MYH3: variants seen among roughly 807,000 people sequenced by gnomAD.
MYH3 encodes myosin-3.
Under a neutral mutation model 238.0 loss-of-function variants are expected in MYH3, and 130 were observed. The ratio of observed to expected loss-of-function variants is 0.55; its 90% CI spans 0.47 to 0.63. The LOEUF (loss-of-function observed/expected upper bound fraction) is 0.63, where lower values mean the gene tolerates loss of function less well. Ranked by LOEUF, MYH3 falls within the 30% of genes least tolerant of loss-of-function variation. The probability of loss-of-function intolerance (pLI) is 0.00; values close to 1 mark genes in which losing one functional copy is unlikely to be tolerated. For synonymous variants in MYH3, 880 were observed against 924.1 expected, an observed-to-expected ratio of 0.95 and a Z score of 0.86; for missense variants, 1,853 against 2,374.9, an observed-to-expected ratio of 0.78 and a Z score of 4.57.
chr17:10,663,970 G>A, the MYH3 span, among the ~76,000 whole-genome samples: 7 of 151,238 alleles, frequency 4.6e-5, no homozygotes, highest in Non-Finnish European at 2.9e-5. Flanking sequence ...GGCTGAGGCA[G>A]GAGAATTGCT....
chr17:10,633,509 GAC>G, intron 33 of MYH3, 80 bp downstream of exon 33: 2 of 1,587,724 alleles, frequency 1.3e-6, no homozygotes, highest in South Asian at 2.2e-5. Flanking sequence ...CAAAAATGGA[GAC>G]ACAGCATGGA....
the MYH3 span, among the ~76,000 whole-genome samples, chr17:10,669,551 A>C: frequency 6.9e-6 from 1 of 144,388 alleles, no homozygotes; most frequent in Non-Finnish European, 1.5e-5. Flanking sequence ...TGGGTGACAG[A>C]GTGAGAGTCC....
In MYH3 at chr17:10,654,781, G is replaced by C; in HGVS notation, c.204+80C>G. 1 of 1,307,004 alleles carries C rather than the reference G, an allele frequency of 7.7e-7. No homozygotes were observed. The allele number at this position is 1,307,004 out of a possible 1,614,324, so 81.0% of individuals were successfully genotyped here. On this transcript the variant is annotated intron_variant, in intron 3 of 40. Coordinates refer to ENST00000583535, the MANE Select transcript of MYH3 (RefSeq NM_002470.4). The surrounding 1 kb of genome is among the most constrained non-coding windows in gnomAD (Gnocchi z 4.5). ...CTGGAACCACATCTGGAAGTGGCTG[G>C]GGTTGGGCAGATGCATACCCCAGGC...
the MYH3 span, among the ~76,000 whole-genome samples, chr17:10,665,390 G>A: frequency 3.4e-3 from 524 of 152,190 alleles, 3 homozygotes; most frequent in African/African-American, 0.012. Flanking sequence ...TAGTCCGCCC[G>A]CCTTGGCCTC....
chr17:10,631,855 C>T lies in MYH3; in HGVS notation c.5118G>A (p.Glu1706=). ...TERARKLAEQ[E]LLDSNERVQL... ...GCACCCTCTCGTTGGAGTCCAGGAGCTCCTGTTCCGCCAGTTTCCGGGCCC... is the reference window on the plus strand; with the variant it reads ...GCACCCTCTCGTTGGAGTCCAGGAGTTCCTGTTCCGCCAGTTTCCGGGCCC... The change falls in exon 35 of 41, where the codon GAG becomes GAA. Residue 1706 remains glutamate (E), a synonymous_variant. Coordinates refer to ENST00000583535, the MANE Select transcript of MYH3 (RefSeq NM_002470.4). The T allele has an allele frequency of 6.2e-7, 1 of 1,614,166 alleles. No individual in the cohort carries two copies. The highest frequency in any genetic ancestry group is 8.5e-7 in the Non-Finnish European group (1 of 1,180,034).
Position 10,638,898 on chromosome 17 carries a change from A to T in MYH3, c.3314T>A (p.Phe1105Tyr). 1 of 1,614,128 alleles carries T rather than the reference A, an allele frequency of 6.2e-7. No individual in the cohort carries two copies. The highest frequency in any genetic ancestry group is 8.5e-7 in the Non-Finnish European group (1 of 1,179,998). ...VEDEQTLGLQFQKKIKELQAR... is the reference protein window; with the variant it reads ...VEDEQTLGLQYQKKIKELQAR... ...CTGCAACTCTTTGATTTTCTTCTGA[A>T]ACTGGAGGCCCAGTGTCTGCTCATC... Residue 1105 changes from phenylalanine to tyrosine, a missense_variant, in exon 26 of 41, where the codon TTT (phenylalanine) becomes TAT (tyrosine). Phe to Tyr is a conservative substitution (Grantham distance 22, BLOSUM62 3). Coordinates refer to ENST00000583535, the MANE Select transcript of MYH3 (RefSeq NM_002470.4).
intron 4 of MYH3, chr17:10,652,203 G>T: frequency 1.5e-6 from 1 of 646,296 alleles, no homozygotes; most frequent in Non-Finnish European, 2.7e-6. Flanking sequence ...CAGCTTCCCC[G>T]CTCTCCGGCT....
Position 10,635,781 on chromosome 17 carries a change from G to A in MYH3, c.3929C>T (p.Thr1310Ile). The change falls in exon 29 of 41, where the codon ACC becomes ATC. Residue 1310 changes from threonine to isoleucine, a missense_variant. This residue lies in a region of MYH3 where 1,044 missense variants were observed against 1,192.6 expected (regional missense o/e 0.88). Coordinates refer to ENST00000583535, the MANE Select transcript of MYH3 (RefSeq NM_002470.4). ...CCTCTTGAGCTCTTCTGTTTGCTGG[G>A]TAAAGGCTTGCTTGCTCCTGGAAAG... ...SQLSRSKQAF[T>I]QQTEELKRQL... The A allele has an allele frequency of 6.2e-7, 1 of 1,614,156 alleles. No individual in the cohort carries two copies. Among genetic ancestry groups the A allele is most frequent in the South Asian group, 1.1e-5 (1 of 91,078 alleles).
At chr17:10,629,774 CCT>C (rs1160565942) in intron 39 of MYH3, 40 bp from the exon 40 acceptor site, 1 of 1,614,178 alleles carries the variant, frequency 6.2e-7, no homozygotes, top group South Asian at 1.1e-5. Flanking sequence ...TCAGCACGCG[CCT>C]CTCTCAGAAC....
chr17:10,634,326 T>A, intron 31 of MYH3, 144 bp from the exon 32 acceptor site: 1 of 957,820 alleles, frequency 1.0e-6, no homozygotes. Flanking sequence ...ATTGGGCTAA[T>A]CAAGATTCTG....
At chr17:10,630,963 C>T (rs1266049103) in intron 36 of MYH3, among the ~76,000 whole-genome samples, 1 of 152,174 alleles carries the variant, frequency 6.6e-6, no homozygotes, top group African/African-American at 2.4e-5. Context: ...ATAAAATAAC[C>T]TAATCAATGA....
At chr17:10,658,819 C>T (rs960196202), upstream of MYH3, 1 of 152,302 alleles carries the variant, frequency 6.6e-6, no homozygotes, top group Non-Finnish European at 1.5e-5. Context: ...GAGAGGGTAA[C>T]CGTCACTCCT....
chr17:10,678,405 T>C, the MYH3 span: 1 of 152,210 alleles, frequency 6.6e-6, no homozygotes, highest in Admixed American at 6.5e-5. Flanking sequence ...GCCTTTAAAC[T>C]TGACACTAGA....
chr17:10,649,278 C>G (rs1294391197), intron 7 of MYH3, among the ~76,000 whole-genome samples: 1 of 152,228 alleles, frequency 6.6e-6, no homozygotes, highest in East Asian at 1.9e-4. Flanking sequence ...CTGTGAGTCA[C>G]TCACATTGGT....
At chr17:10,678,334 G>A in the MYH3 span, 1 of 152,056 alleles carries the variant, frequency 6.6e-6, no homozygotes, top group African/African-American at 2.4e-5. Flanking sequence ...GCATAAACAG[G>A]AACATCTGGA....
At position 10,642,554 on chromosome 17, in the gene MYH3, G is replaced by T. The variant is rs2074282995; in HGVS notation, c.1751C>A (p.Ala584Glu). Residue 584 changes from alanine (A) to glutamate (E), a missense_variant, in exon 16 of 41, where the codon GCG (alanine) becomes GAG (glutamate). Physicochemically the swap from Ala to Glu is moderately radical, Grantham distance 107. Coordinates refer to ENST00000583535, the MANE Select transcript of MYH3 (RefSeq NM_002470.4). This position sits in a 1 kb window ranked among gnomAD's most constrained non-coding sequence, Gnocchi z 5.4. ...TGAGACACTGTAGTCCACGGTGCCC[G>T]CATAGTGGATCAGTGAGAAGTGAGC... Reference protein sequence around the residue: ...AEAHFSLIHYAGTVDYSVSGW... With the variant: ...AEAHFSLIHYEGTVDYSVSGW... 6.2e-7 allele frequency: 1 copy of T among 1,614,184 alleles called. No homozygotes were observed. Among genetic ancestry groups the T allele is most frequent in the Admixed American group, 1.7e-5 (1 of 60,028 alleles).
the MYH3 span, among the ~76,000 whole-genome samples, chr17:10,663,210 G>T: frequency 6.6e-6 from 1 of 152,208 alleles, no homozygotes; most frequent in African/African-American, 2.4e-5. Context: ...GAGACAGCCT[G>T]GTCTCTGTCT....
At chr17:10,661,165 TG>T (rs1259126848), upstream of MYH3, among the ~76,000 whole-genome samples, 5 of 151,294 alleles carry the variant, frequency 3.3e-5, no homozygotes, top group Non-Finnish European at 7.4e-5. Flanking sequence ...TTAGTAAAGA[TG>T]GGTTTTTACC....
At position 10,629,695 on chromosome 17, in the gene MYH3, C is replaced by T. The variant is rs761623039; in HGVS notation, c.5698G>A (p.Ala1900Thr). ...ANAHLTKFRK[A>T]QHELEEAEER... The stretch of plus-strand genomic sequence containing the variant: ...TCGGCCTCCTCCAGCTCATGCTGAG[C>T]CTTTCGGAATTTGGTGAGATGAGCA... The change falls in exon 40 of 41, where the codon GCT (alanine) becomes ACT (threonine). Residue 1900 changes from alanine (A) to threonine (T), a missense_variant. This residue lies in a region of MYH3 where 1,044 missense variants were observed against 1,192.6 expected (regional missense o/e 0.88). Coordinates refer to ENST00000583535, the MANE Select transcript of MYH3 (RefSeq NM_002470.4). 1 of 1,614,214 alleles carries T rather than the reference C, an allele frequency of 6.2e-7. No individual in the cohort carries two copies. The highest frequency in any genetic ancestry group is 8.5e-7 in the Non-Finnish European group (1 of 1,180,046).
Sources: gnomAD v4.1 joint callset for allele counts (sites outside exome capture counted in the v4.1 genomes callset) on GRCh38, gnomAD v4.1.1 for gene constraint, gnomAD v4.1.1 regional missense constraint, Gnocchi (gnomAD v3.1) non-coding constraint, MANE v1.5 for transcripts, NCBI Gene and HGNC (gene_info 2026-07-23, HGNC 2026-07-21) for gene names.